TTC39B: variants seen among roughly 807,000 people sequenced by gnomAD.
TTC39B encodes tetratricopeptide repeat domain 39B, also known as tetratricopeptide repeat protein 39B.
Under a neutral mutation model 96.6 loss-of-function variants are expected in TTC39B, and 92 were observed. The ratio of observed to expected loss-of-function variants is 0.95; its 90% confidence interval spans 0.80 to 1.13. TTC39B has a LOEUF of 1.13. Ranked by LOEUF, TTC39B falls within the 50% of genes most tolerant of loss-of-function variation. TTC39B has a pLI of 0.00. For synonymous variants in TTC39B, 367 were observed against 299.4 expected (o/e 1.23, Z -2.33); for missense variants, 955 against 809.3 (o/e 1.18, Z -2.18).
chr9:15,218,561 G>T (rs1820655763), intron 3 of TTC39B, among the ~76,000 whole-genome samples: 1 of 151,144 alleles, frequency 6.6e-6, no homozygotes, highest in Non-Finnish European at 1.5e-5. Flanking sequence ...TCTTCAGTGA[G>T]GTGACGACTC....
At chr9:15,228,347 C>A (rs531454138) in intron 2 of TTC39B, among the ~76,000 whole-genome samples, 1 of 152,194 alleles carries the variant, frequency 6.6e-6, no homozygotes, top group Non-Finnish European at 1.5e-5. Flanking sequence ...GCCTGTAATC[C>A]GAGCTACTCA....
At chr9:15,257,457 T>A (rs963033646) in intron 2 of TTC39B, among the ~76,000 whole-genome samples, 14 of 132,344 alleles carry the variant, frequency 1.1e-4, no homozygotes, top group African/African-American at 5.4e-5. Context: ...ATATTAAAAA[T>A]TTTTTTTTTG....
intron 3 of TTC39B, among the ~76,000 whole-genome samples, chr9:15,218,632 T>TAAAAAAAAAATATATATATATATATA (rs545882970): frequency 5.7e-5 from 6 of 105,152 alleles, no homozygotes; most frequent in African/African-American, 2.1e-4. Flanking sequence ...TTAGTCTATT[T>TAAAAAAAAAATATATATATATATATA]TAAATATATA....
exon 20 of TTC39B, chr9:15,167,028 A>ATATATATAT (rs1554758710): frequency 9.1e-5 from 1 of 11,036 alleles, no homozygotes; most frequent in Non-Finnish European, 1.6e-4. Context: ...ATATATATAT[A>ATATATATAT]TTTTTTTTTT....
At chr9:15,188,805 A>AAAATGC (rs1818686654) in intron 13 of TTC39B, among the ~76,000 whole-genome samples, 1 of 152,200 alleles carries the variant, frequency 6.6e-6, no homozygotes, top group Admixed American at 6.5e-5. Flanking sequence ...TGGATTTATA[A>AAAATGC]AAATGCAACC....
intron 1 of TTC39B, among the ~76,000 whole-genome samples, chr9:15,293,663 C>T (rs914692679): frequency 8.5e-5 from 13 of 152,186 alleles, no homozygotes; most frequent in Non-Finnish European, 7.4e-5. Flanking sequence ...ATATGAGAAC[C>T]ACTTAGGAAG....
At chr9:15,254,122 G>T (rs1169613938) in intron 2 of TTC39B, among the ~76,000 whole-genome samples, 1 of 151,584 alleles carries the variant, frequency 6.6e-6, no homozygotes, top group African/African-American at 2.4e-5. Context: ...TTCAATAAAG[G>T]CTTGTTAAAC....
chr9:15,267,654 A>T (rs1823183501), intron 2 of TTC39B, among the ~76,000 whole-genome samples: 1 of 152,230 alleles, frequency 6.6e-6, no homozygotes, highest in South Asian at 2.1e-4. Flanking sequence ...CTATTAAAAG[A>T]GTTAGCTATA....
chr9:15,220,419 T>C (rs1488838237), intron 3 of TTC39B, among the ~76,000 whole-genome samples: 1 of 152,184 alleles, frequency 6.6e-6, no homozygotes, highest in Non-Finnish European at 1.5e-5. Context: ...ATGGCGAGAC[T>C]TCCAAGAAAG....
At chr9:15,278,344 AAT>A (rs1049131602) in intron 1 of TTC39B, among the ~76,000 whole-genome samples, 1 of 152,258 alleles carries the variant, frequency 6.6e-6, no homozygotes, top group Non-Finnish European at 1.5e-5. Flanking sequence ...TATGGTATAT[AAT>A]AGAGTGCATA....
exon 20 of TTC39B, chr9:15,169,888 A>G (rs1817596261): frequency 6.6e-6 from 1 of 152,190 alleles, no homozygotes; most frequent in South Asian, 2.1e-4. Context: ...TCCCCAAAAG[A>G]GAATTTGTTA....
chr9:15,253,968 GC>G (rs1194265539), intron 2 of TTC39B, among the ~76,000 whole-genome samples: 1 of 151,906 alleles, frequency 6.6e-6, no homozygotes, highest in Non-Finnish European at 1.5e-5. Context: ...TTGCACCCTG[GC>G]CCCTGGCTCA....
intron 2 of TTC39B, among the ~76,000 whole-genome samples, chr9:15,246,264 A>G (rs990920380): frequency 6.6e-6 from 1 of 152,164 alleles, no homozygotes; most frequent in African/African-American, 2.4e-5. Flanking sequence ...ATCTCAAAAA[A>G]TAAATAAATA....
At chr9:15,209,779 G>A (rs979722937) in intron 6 of TTC39B, among the ~76,000 whole-genome samples, 7 of 152,066 alleles carry the variant, frequency 4.6e-5, no homozygotes, top group Non-Finnish European at 8.8e-5. Context: ...TAACGATCTG[G>A]GGAAGTGTCA....
At chr9:15,173,707 G>A (rs767061313) in intron 19 of TTC39B, among the ~76,000 whole-genome samples, 2 of 151,934 alleles carry the variant, frequency 1.3e-5, no homozygotes, top group African/African-American at 2.4e-5. Flanking sequence ...TTCATCACAC[G>A]CCATTGCTTT....
intron 2 of TTC39B, among the ~76,000 whole-genome samples, chr9:15,258,249 C>G (rs969820933): frequency 6.6e-6 from 1 of 151,852 alleles, no homozygotes; most frequent in Non-Finnish European, 1.5e-5. Flanking sequence ...GGAAAGTGAA[C>G]GGATGGGAAA....
intron 13 of TTC39B, among the ~76,000 whole-genome samples, chr9:15,189,168 A>G (rs1341686595): frequency 6.6e-6 from 1 of 152,116 alleles, no homozygotes; most frequent in Non-Finnish European, 1.5e-5. Flanking sequence ...TTCGTTTTTG[A>G]GGGAATTCGT....
chr9:15,208,889 C>T (rs1381106147), intron 6 of TTC39B, among the ~76,000 whole-genome samples: 5 of 152,156 alleles, frequency 3.3e-5, no homozygotes, highest in Admixed American at 3.3e-4. Flanking sequence ...ACTCATCTAA[C>T]AAAATAAACA....
intron 1 of TTC39B, among the ~76,000 whole-genome samples, chr9:15,298,145 A>G (rs1237840464): frequency 6.6e-6 from 1 of 152,160 alleles, no homozygotes; most frequent in East Asian, 1.9e-4. Context: ...TCTCTTGGAC[A>G]TCAGAACTCA....
Sources: gnomAD v4.1 joint callset for allele counts (sites outside exome capture counted in the v4.1 genomes callset) on GRCh38, gnomAD v4.1.1 for gene constraint, MANE v1.5 for transcripts, NCBI Gene and HGNC (gene_info 2026-07-23, HGNC 2026-07-21) for gene names.